The following ZNF555 variants were observed in gnomAD, a reference collection of about 807,000 sequenced individuals.
ZNF555 encodes the protein zinc finger protein 555.
A neutral mutation model predicts 14.0 loss-of-function variants in ZNF555; 10 were observed. The ratio of observed to expected loss-of-function variants is 0.72; its 90% CI spans 0.44 to 1.21. The LOEUF (loss-of-function observed/expected upper bound fraction) is 1.21, where lower values mean the gene tolerates loss of function less well. ZNF555 is among the 50% of genes most tolerant of loss of function. The pLI is 0.00. For missense variants in ZNF555, 747 were observed against 762.0 expected, an observed-to-expected ratio of 0.98 and a Z score of 0.23; for synonymous variants, 277 against 262.4, an observed-to-expected ratio of 1.06 and a Z score of -0.54.
chr19:2,845,067 C>G (rs2087571220), intron 1 of ZNF555, among the ~76,000 whole-genome samples: 1 of 152,170 alleles, frequency 6.6e-6, no homozygotes, highest in African/African-American at 2.4e-5. Context: ...GAGCTTGTCA[C>G]CCAGATAGTG....
rs1236037885 is a variant in ZNF555, at chr19:2,850,604, G to T, written c.21G>T (p.Glu7Asp). The change falls in exon 2 of 4, where the codon GAG becomes GAT. Residue 7 changes from glutamate (E) to aspartate (D), a missense_variant. By Grantham distance (45) the Glu-to-Asp change is conservative. Transcript: ENST00000334241. ...TGTTTTAGGACTCAGTGGTCTTTGA[G>T]GATGTGGCTGTGGACTTCACCCTGG... MDSVVFEDVAVDFTLEE... is the reference protein window; with the variant it reads MDSVVFDDVAVDFTLEE... 1.9e-6 allele frequency: 3 copies of T among 1,613,892 alleles called. No homozygotes were observed. Among genetic ancestry groups the T allele is most frequent in the Non-Finnish European group, 2.5e-6 (3 of 1,179,822 alleles).
Position 2,851,647 on chromosome 19 carries a change from C to A in ZNF555, c.310C>A (p.Leu104Ile). 6.4e-7 allele frequency: 1 copy of A among 1,574,708 alleles called. No homozygotes were observed. Among genetic ancestry groups the A allele is most frequent in the South Asian group, 1.2e-5 (1 of 84,078 alleles). ...EDQTTNQGRNLSRNHGLERLC... is the reference protein window; with the variant it reads ...EDQTTNQGRNISRNHGLERLC... ...TCAAACCACAAACCAGGGGAGAAAT[C>A]TCAGGTGAGTTGCACTCACAAGAGA... Residue 104 changes from leucine (L) to isoleucine (I), a missense_variant, in exon 3 of 4, where the codon CTC (leucine) becomes ATC (isoleucine). Physicochemically the swap from Leu to Ile is conservative, Grantham distance 5. Coordinates refer to ENST00000334241, the MANE Select transcript of ZNF555 (RefSeq NM_152791.5).
rs747329918 is a variant in ZNF555 at position 2,852,893 on chromosome 19, A to G, written c.828A>G (p.Ile276Met). The change falls in exon 4 of 4, where the codon ATA becomes ATG. Residue 276 changes from isoleucine (I) to methionine (M), a missense_variant. By Grantham distance (10) the Ile-to-Met change is conservative (BLOSUM62 1). Coordinates refer to ENST00000334241, the MANE Select transcript of ZNF555 (RefSeq NM_152791.5). ...SYSSTFRRHT[I>M]THTGEKPYKC... Reference sequence around the variant, plus strand: ...CCTCAACGTTTCGAAGACACACAATAACACACACTGGCGAGAAGCCATATA... The same window carrying G: ...CCTCAACGTTTCGAAGACACACAATGACACACACTGGCGAGAAGCCATATA... 2 of 1,614,234 alleles carry G rather than the reference A, an allele frequency of 1.2e-6. No individual in the cohort carries two copies. The highest frequency in any genetic ancestry group is 2.2e-5 in the South Asian group (2 of 91,088).
At chr19:2,846,916 A>G (rs183255793) in intron 1 of ZNF555, among the ~76,000 whole-genome samples, 3 of 152,318 alleles carry the variant, frequency 2.0e-5, no homozygotes, top group Non-Finnish European at 1.5e-5. Flanking sequence ...TTCACATTCC[A>G]AAAGTGTATC....
chr19:2,850,382 T>C (rs2087618524), intron 1 of ZNF555, among the ~76,000 whole-genome samples: 1 of 152,212 alleles, frequency 6.6e-6, no homozygotes, highest in Non-Finnish European at 1.5e-5. Context: ...CCAGTAAAAG[T>C]ATAGAGAGAA....
rs1232213571 is a variant in ZNF555 at position 2,841,536 on chromosome 19, CTCACCTGCGCCG to C, written c.-36_-25del. On this transcript the variant is annotated 5_prime_UTR_variant, in exon 1 of 4. Coordinates refer to ENST00000334241, the MANE Select transcript of ZNF555 (RefSeq NM_152791.5). ...CCCTGGCGTCCCGGTTCCTGTCGCG[CTCACCTGCGCCG>C]GTAGCGAAGAAATCGCCCCGGGACA... is the stretch of plus-strand genomic sequence containing the variant. The C allele has an allele frequency of 7.1e-6, 11 of 1,545,112 alleles. No homozygotes were observed. The East Asian group carries it at 2.8e-4, about 39-fold the overall frequency.
chr19:2,847,241 C>G (rs1217006819), intron 1 of ZNF555: 1 of 152,198 alleles, frequency 6.6e-6, no homozygotes, highest in Non-Finnish European at 1.5e-5. Flanking sequence ...CCAAGTGTTC[C>G]TTTGCTTGTG....
chr19:2,849,984 G>A (rs1219309936), intron 1 of ZNF555, among the ~76,000 whole-genome samples: 4 of 152,150 alleles, frequency 2.6e-5, no homozygotes, highest in Non-Finnish European at 4.4e-5. Context: ...CTACGTTCTC[G>A]TGTCTTTTTC....
chr19:2,849,804 C>T (rs762443050), intron 1 of ZNF555, among the ~76,000 whole-genome samples: 28 of 152,028 alleles, frequency 1.8e-4, no homozygotes, highest in Non-Finnish European at 3.5e-4. Flanking sequence ...TACTTTCTTT[C>T]GGCTCTGGTG....
chr19:2,846,197 A>T (rs2087580918), intron 1 of ZNF555, among the ~76,000 whole-genome samples: 1 of 152,190 alleles, frequency 6.6e-6, no homozygotes, highest in Non-Finnish European at 1.5e-5. Flanking sequence ...TGACCTCTCC[A>T]GTATGGACGA....
At position 2,859,406 on chromosome 19, in the gene ZNF555, T is replaced by A. The variant is rs1450394301; in HGVS notation, c.*5454T>A. The A allele has an allele frequency of 1.3e-5, 2 of 151,780 alleles. No individual in the cohort carries two copies. The highest frequency in any genetic ancestry group is 6.6e-5 in the Admixed American group (1 of 15,228). 9.4% of individuals were successfully genotyped at this position (151,780 alleles called of 1,614,324 possible). On this transcript the variant is annotated 3_prime_UTR_variant, in exon 4 of 4. Transcript: ENST00000334241. ...TCTTGTGATGGCAGATGTACTTGAG[T>A]AGACACGACAGACGGGGAAGGACCC...
rs1599558818 is a variant in ZNF555 at position 2,841,593 on chromosome 19, G to C, written c.3+18G>C. Reference sequence around the variant, plus strand: ...GGGACATGGTGAGTGTGGCGCAGGAGAGGATCCCGGTGCGGGGCAGCAGGA... The same window carrying C: ...GGGACATGGTGAGTGTGGCGCAGGACAGGATCCCGGTGCGGGGCAGCAGGA... On this transcript the variant is annotated intron_variant, in intron 1 of 3. Transcript: ENST00000334241. The C allele has an allele frequency of 1.3e-6, 2 of 1,524,324 alleles. No homozygotes were observed. The highest frequency in any genetic ancestry group is 2.4e-5 in the South Asian group (2 of 82,712). 94.4% of individuals were successfully genotyped at this position (1,524,324 alleles called of 1,614,324 possible).
At position 2,841,569 on chromosome 19, in the gene ZNF555, G is replaced by A. The variant is rs778831211; in HGVS notation, c.-4G>A. On this transcript the variant is annotated 5_prime_UTR_variant, in exon 1 of 4. Transcript: ENST00000334241. ...CGCCGGTAGCGAAGAAATCGCCCCG[G>A]GACATGGTGAGTGTGGCGCAGGAGA... 8.4e-6 allele frequency: 13 copies of A among 1,543,548 alleles called. No individual in the cohort carries two copies. Among genetic ancestry groups the A allele is most frequent in the South Asian group, 1.2e-5 (1 of 83,848 alleles).
At position 2,854,131 on chromosome 19, in the gene ZNF555, G is replaced by GATTT; in HGVS notation, c.*180_*183dup. ...CTTAGAGTGTTTTGGACTCATGGAT[G>GATTT]ATTTGAAGTGTATTTTTAATATGCA... On this transcript the variant is annotated 3_prime_UTR_variant, in exon 4 of 4. Coordinates refer to ENST00000334241, the MANE Select transcript of ZNF555 (RefSeq NM_152791.5). The GATTT allele has an allele frequency of 1.5e-6, 1 of 688,138 alleles. No individual in the cohort carries two copies. Among genetic ancestry groups the GATTT allele is most frequent in the African/African-American group, 1.8e-5 (1 of 54,718 alleles). 42.6% of individuals were successfully genotyped at this position (688,138 alleles called of 1,614,324 possible).
chr19:2,853,223 T>C lies in ZNF555; in HGVS notation c.1158T>C (p.His386=). The C allele has an allele frequency of 6.2e-7, 1 of 1,614,076 alleles. No individual in the cohort carries two copies. Among genetic ancestry groups the C allele is most frequent in the Non-Finnish European group, 8.5e-7 (1 of 1,179,998 alleles). The change falls in exon 4 of 4, where the codon CAT becomes CAC. Residue 386 remains histidine (H), a synonymous_variant. Transcript: ENST00000334241. ...TFIYPQSFRR[H]ERTHGGEKPY... ...TTTATCCCCAGTCCTTTCGAAGACA[T>C]GAAAGGACTCATGGTGGAGAGAAAC... is the stretch of plus-strand genomic sequence containing the variant.
At position 2,841,562 on chromosome 19, in the gene ZNF555, C is replaced by G. The variant is rs1414242068; in HGVS notation, c.-11C>G. On this transcript the variant is annotated 5_prime_UTR_variant, in exon 1 of 4. In the 5' UTR this introduces an upstream ATG that the reference lacks. Transcript: ENST00000334241. ...TCACCTGCGCCGGTAGCGAAGAAAT[C>G]GCCCCGGGACATGGTGAGTGTGGCG... 3 of 1,544,060 alleles carry G rather than the reference C, an allele frequency of 1.9e-6. No homozygotes were observed. The highest frequency in any genetic ancestry group is 5.0e-5 in the East Asian group (2 of 39,704).
Position 2,851,541 on chromosome 19 carries a change from A to G in ZNF555, c.204A>G (p.Glu68=). ...TTTATGGAGAGAAAATACCCAAGGA[A>G]TCTAAAATAGCCACGTTCACCAGAA... ...QDIYGEKIPK[E]SKIATFTRNV... Residue 68 remains glutamate (E), a synonymous_variant, in exon 3 of 4, where the codon GAA becomes GAG. Transcript: ENST00000334241. 6.2e-7 allele frequency: 1 copy of G among 1,612,904 alleles called. No individual in the cohort carries two copies. The highest frequency in any genetic ancestry group is 8.5e-7 in the Non-Finnish European group (1 of 1,179,736).
At chr19:2,842,685 C>T (rs1271628769) in intron 1 of ZNF555, among the ~76,000 whole-genome samples, 1 of 152,112 alleles carries the variant, frequency 6.6e-6, no homozygotes, top group African/African-American at 2.4e-5. Context: ...AAAGATTTTC[C>T]TTTTTTCGAG....
rs1280120738 is a variant in ZNF555 at position 2,860,430 on chromosome 19, G to A, written c.*6478G>A. 6.6e-6 allele frequency: 1 copy of A among 152,048 alleles called. No individual in the cohort carries two copies. The highest frequency in any genetic ancestry group is 1.5e-5 in the Non-Finnish European group (1 of 68,016). The allele number at this position is 152,048 out of a possible 1,614,324, so 9.4% of individuals were successfully genotyped here. A position where few individuals can be genotyped will look rare whatever the true frequency, so the allele number is the denominator to read the frequency against. ...TTAATGAATTGTACTTAAGCGTTGA[G>A]AGGCATATATTTATTGCACTATTAA... On this transcript the variant is annotated 3_prime_UTR_variant, in exon 4 of 4. Transcript: ENST00000334241.
Sources: gnomAD v4.1 joint callset for allele counts (sites outside exome capture counted in the v4.1 genomes callset) on GRCh38, gnomAD v4.1.1 for gene constraint, MANE v1.5 for transcripts, NCBI Gene and HGNC (gene_info 2026-07-23, HGNC 2026-07-21) for gene names.